The following LMBRD2 variants were observed in gnomAD, a reference collection of about 807,000 sequenced individuals.
The protein encoded by LMBRD2 is LMBR1 domain containing 2, also known as G protein-coupled receptor-associated protein LMBRD2.
In LMBRD2, 55 loss-of-function variants were observed where a neutral mutation model predicts 94.4. That is an observed-to-expected ratio of 0.58 (90% CI 0.47 to 0.73). LMBRD2 has a LOEUF of 0.73. Ranked by LOEUF, LMBRD2 falls within the 30% of genes least tolerant of loss-of-function variation. The probability of loss-of-function intolerance (pLI) is 0.00; values close to 1 mark genes in which losing one functional copy is unlikely to be tolerated. For synonymous variants in LMBRD2, 246 were observed against 272.4 expected (o/e 0.90, Z 0.95); for missense variants, 640 against 831.9 (o/e 0.77, Z 2.84).
At chr5:36,118,884 AG>A (rs371351567) in intron 9 of LMBRD2, among the ~76,000 whole-genome samples, 3 of 151,902 alleles carry the variant, frequency 2.0e-5, no homozygotes, top group Admixed American at 6.6e-5. Flanking sequence ...TAGTAGAGAC[AG>A]GGTTTCACCG....
intron 2 of LMBRD2, 123 bp downstream of exon 2, chr5:36,143,053 G>A (rs1427438830): frequency 2.7e-6 from 2 of 728,788 alleles, no homozygotes; most frequent in East Asian, 2.8e-5. Flanking sequence ...TGATCAAATG[G>A]CCATATAATC....
At chr5:36,146,180 C>T (rs1464642097) in intron 1 of LMBRD2, among the ~76,000 whole-genome samples, 1 of 152,212 alleles carries the variant, frequency 6.6e-6, no homozygotes, top group Non-Finnish European at 1.5e-5. Flanking sequence ...TAGTATCTTA[C>T]CACTGCTGTA....
Position 36,100,189 on chromosome 5 carries a change from AG to A in LMBRD2, c.*3856del, listed in dbSNP as rs1249651921. 6.6e-6 allele frequency: 1 copy of A among 152,158 alleles called. No homozygotes were observed. Among genetic ancestry groups the A allele is most frequent in the Non-Finnish European group, 1.5e-5 (1 of 68,022 alleles). 9.4% of individuals were successfully genotyped at this position (152,158 alleles called of 1,614,324 possible). On this transcript the variant is annotated 3_prime_UTR_variant, in exon 18 of 18. Transcript: ENST00000296603. ...ATGTTATTAATTCCTTTTCATAAAA[AG>A]ATGTCTCAAGAATCTAAATAAATCT...
chr5:36,108,490 A>G lies in LMBRD2; in HGVS notation c.1897+44T>C, dbSNP rs750964448. 3 of 1,018,376 alleles carry G rather than the reference A, an allele frequency of 2.9e-6. No homozygotes were observed. In the African/African-American group the frequency reaches 4.8e-5, roughly 16 times the overall value. The allele number at this position is 1,018,376 out of a possible 1,614,324, so 63.1% of individuals were successfully genotyped here. On this transcript the variant is annotated intron_variant, in intron 16 of 17. Coordinates refer to ENST00000296603, the MANE Select transcript of LMBRD2 (RefSeq NM_001007527.2). ...ACACTCAATCTCTATGCAAGAAAGC[A>G]TAAGAAAACAATTTCCAAGTGAACT...
chr5:36,146,552 T>G (rs1744544653), intron 1 of LMBRD2, among the ~76,000 whole-genome samples: 1 of 151,146 alleles, frequency 6.6e-6, no homozygotes, highest in Admixed American at 6.6e-5. Context: ...AAAAAAAATT[T>G]TTTTTGTAGA....
chr5:36,110,053 T>A, intron 14 of LMBRD2, 62 bp from the exon 15 acceptor site: 1 of 1,241,230 alleles, frequency 8.1e-7, no homozygotes, highest in East Asian at 2.3e-5. Context: ...ATAGTGCAAC[T>A]GAAGTAAAGA....
intron 1 of LMBRD2, among the ~76,000 whole-genome samples, chr5:36,146,139 T>C (rs1238445030): frequency 1.3e-5 from 2 of 152,226 alleles, no homozygotes; most frequent in East Asian, 3.8e-4. Flanking sequence ...AATAAATGAT[T>C]TGGTTACATA....
chr5:36,128,260 C>A (rs1744053513), intron 6 of LMBRD2, among the ~76,000 whole-genome samples: 1 of 152,312 alleles, frequency 6.6e-6, no homozygotes, highest in Non-Finnish European at 1.5e-5. Flanking sequence ...GATTACAATA[C>A]CCAAGTCCCT....
chr5:36,103,893 A>G lies in LMBRD2; in HGVS notation c.*153T>C, dbSNP rs547832984. ...TACTCTATTCAATGCACATTAAACT[A>G]TTATTCCTAAGATATAATTAATTCT... On this transcript the variant is annotated 3_prime_UTR_variant, in exon 18 of 18. Coordinates refer to ENST00000296603, the MANE Select transcript of LMBRD2 (RefSeq NM_001007527.2). The G allele has an allele frequency of 5.3e-6, 3 of 568,580 alleles. No homozygotes were observed. The highest frequency in any genetic ancestry group is 9.6e-6 in the Non-Finnish European group (3 of 311,494). 35.2% of individuals were successfully genotyped at this position (568,580 alleles called of 1,614,324 possible).
At chr5:36,122,254 T>C (rs1159858747) in intron 9 of LMBRD2, 26 bp downstream of exon 9, 1 of 1,518,674 alleles carries the variant, frequency 6.6e-7, no homozygotes, top group Non-Finnish European at 8.9e-7. Flanking sequence ...ATCATTAAAG[T>C]TTGAAATTTA....
intron 11 of LMBRD2, among the ~76,000 whole-genome samples, chr5:36,115,539 T>C (rs1285301241): frequency 6.6e-6 from 1 of 152,194 alleles, no homozygotes; most frequent in Non-Finnish European, 1.5e-5. Flanking sequence ...AGCACAGATA[T>C]AAAGTTGTTC....
chr5:36,149,946 C>T (rs1317020481), intron 1 of LMBRD2, among the ~76,000 whole-genome samples: 1 of 152,136 alleles, frequency 6.6e-6, no homozygotes, highest in East Asian at 1.9e-4. Context: ...AAATAAGATA[C>T]ATCAGTAGCA....
At chr5:36,149,745 A>G (rs1744643945) in intron 1 of LMBRD2, among the ~76,000 whole-genome samples, 1 of 152,202 alleles carries the variant, frequency 6.6e-6, no homozygotes, top group Admixed American at 6.5e-5. Flanking sequence ...CGTCTCCACT[A>G]AAAATACAAA....
intron 9 of LMBRD2, among the ~76,000 whole-genome samples, chr5:36,118,311 A>G (rs1266723055): frequency 6.6e-6 from 1 of 152,248 alleles, no homozygotes; most frequent in African/African-American, 2.4e-5. Context: ...GAGGAAACTA[A>G]GGAGACACAA....
rs140927387 is a variant in LMBRD2 at position 36,136,172 on chromosome 5, A to C, written c.747+137T>G. ...GCTAAAAAGTCATCCTGGATGAGAC[A>C]TCCTGAAGGATTGCACAACACCAGT... is the stretch of plus-strand genomic sequence containing the variant. On this transcript the variant is annotated intron_variant, in intron 6 of 17. Coordinates refer to ENST00000296603, the MANE Select transcript of LMBRD2 (RefSeq NM_001007527.2). 248 of 769,766 alleles carry C rather than the reference A, an allele frequency of 3.2e-4. 1 individual carries two copies. In the East Asian group the frequency reaches 6.1e-3, roughly 19 times the overall value. The allele number at this position is 769,766 out of a possible 1,614,324, so 47.7% of individuals were successfully genotyped here.
intron 4 of LMBRD2, among the ~76,000 whole-genome samples, chr5:36,137,980 A>C (rs1744311053): frequency 6.6e-6 from 1 of 152,240 alleles, no homozygotes; most frequent in Non-Finnish European, 1.5e-5. Context: ...ACTCAACTGT[A>C]AGAATGAGTA....
At chr5:36,112,725 C>G (rs971157454) in intron 13 of LMBRD2, among the ~76,000 whole-genome samples, 4 of 152,028 alleles carry the variant, frequency 2.6e-5, no homozygotes, top group African/African-American at 9.7e-5. Flanking sequence ...TTATAGTTGA[C>G]AGAGCACTAT....
chr5:36,131,217 A>C (rs536896589), intron 6 of LMBRD2, among the ~76,000 whole-genome samples: 10 of 152,306 alleles, frequency 6.6e-5, no homozygotes, highest in African/African-American at 2.4e-4. Flanking sequence ...TCATATTAAT[A>C]GAATGAAGGA....
At position 36,122,836 on chromosome 5, in the gene LMBRD2, T is replaced by A; in HGVS notation, c.936+12A>T. ...CATCATTAAGTAAAATACTTATAAT[T>A]AACAAAGTTACCTGTTTATGCAGTT... is the stretch of plus-strand genomic sequence containing the variant. On this transcript the variant is annotated intron_variant, in intron 8 of 17. Transcript: ENST00000296603. 6.3e-7 allele frequency: 1 copy of A among 1,588,712 alleles called. No homozygotes were observed. The highest frequency in any genetic ancestry group is 8.5e-7 in the Non-Finnish European group (1 of 1,172,238).
Sources: gnomAD v4.1 joint callset for allele counts (sites outside exome capture counted in the v4.1 genomes callset) on GRCh38, gnomAD v4.1.1 for gene constraint, MANE v1.5 for transcripts, NCBI Gene and HGNC (gene_info 2026-07-23, HGNC 2026-07-21) for gene names.